The following GOLGA8O variants were observed in gnomAD, a reference collection of about 807,000 sequenced individuals.
GOLGA8O encodes the protein golgin A8 family member O.
A neutral mutation model predicts 29.7 loss-of-function variants in GOLGA8O; 4 were observed. The observed-to-expected ratio is 0.13, with a 90% CI of 0.07 to 0.31. The LOEUF is 0.31. GOLGA8O is among the 10% of genes least tolerant of loss of function. GOLGA8O has a pLI of 1.00. For synonymous variants in GOLGA8O, 6 were observed against 78.0 expected (o/e 0.08, Z 4.87); for missense variants, 32 against 216.5 (o/e 0.15, Z 5.35).
At chr15:32,451,502 T>C (rs1193684678) in intron 5 of GOLGA8O, 99 bp downstream of exon 5, 9 of 1,592,708 alleles carry the variant, frequency 5.7e-6, no homozygotes, top group Non-Finnish European at 7.7e-6. Context: ...GTGAGCCTTC[T>C]TCCCCAAGCT....
rs1268509234 is a variant in GOLGA8O, at chr15:32,453,932, CCAA to C, written c.49-113_49-111del. ...TTACACACCATCTGATTTAATGACA[CCAA>C]CAACTGTACAAGGTGTTGTCACACT... is the stretch of plus-strand genomic sequence containing the variant. On this transcript the variant is annotated intron_variant, in intron 1 of 18. Coordinates refer to ENST00000509311, the MANE Select transcript of GOLGA8O (RefSeq NM_001277308.1). The C allele has an allele frequency of 5.7e-4, 98 of 173,194 alleles. 1 individual carries two copies. In the African/African-American group the frequency reaches 0.013, roughly 23 times the overall value. The allele number at this position is 173,194 out of a possible 1,614,324, so 10.7% of individuals were successfully genotyped here.
At position 32,452,537 on chromosome 15, in the gene GOLGA8O, G is replaced by GA; in HGVS notation, c.262dup (p.Ser88PhefsTer73). 1 of 615,534 alleles carries GA rather than the reference G, an allele frequency of 1.6e-6. No homozygotes were observed. Among genetic ancestry groups the GA allele is most frequent in the Non-Finnish European group, 2.6e-6 (1 of 386,750 alleles). 38.1% of individuals were successfully genotyped at this position (615,534 alleles called of 1,614,324 possible). On this transcript the variant is annotated frameshift_variant, in exon 4 of 19. Transcript: ENST00000509311. LOFTEE classifies it high-confidence loss of function. Reference sequence around the variant, plus strand: ...CAGTCGACTGATTTTTACGGACGTTGAATCCAGGACTACTGCTCGTTCTTG... The same window carrying GA: ...CAGTCGACTGATTTTTACGGACGTTGAAATCCAGGACTACTGCTCGTTCTTG...
upstream of GOLGA8O, among the ~76,000 whole-genome samples, chr15:32,460,611 T>C (rs1278586181): frequency 7.7e-5 from 7 of 90,774 alleles, 2 homozygotes; most frequent in Non-Finnish European, 1.6e-4. Flanking sequence ...TGAATACTGA[T>C]GGGGATGTGA....
chr15:32,451,427 A>G lies in GOLGA8O; in HGVS notation c.349-89T>C. 3 of 672,922 alleles carry G rather than the reference A, an allele frequency of 4.5e-6. No homozygotes were observed. In the South Asian group the frequency reaches 4.8e-5, roughly 11 times the overall value. The allele number at this position is 672,922 out of a possible 1,614,324, so 41.7% of individuals were successfully genotyped here. A position where few individuals can be genotyped will look rare whatever the true frequency, so the allele number is the denominator to read the frequency against. ...GCCCCCAGAATGCCACCAATGCCCC[A>G]GGACAGGCCCACCCATGGGACCAGG... On this transcript the variant is annotated intron_variant, in intron 5 of 18. Transcript: ENST00000509311.
chr15:32,451,525 G>A (rs2055132252), intron 5 of GOLGA8O, 76 bp downstream of exon 5: 3 of 1,597,212 alleles, frequency 1.9e-6, no homozygotes, highest in Admixed American at 1.7e-5. Context: ...GAGTGGGTGA[G>A]ACGAGACTGG....
At chr15:32,460,708 C>T in the GOLGA8O span, among the ~76,000 whole-genome samples, 26 of 96,268 alleles carry the variant, frequency 2.7e-4, 6 homozygotes, top group Middle Eastern at 5.1e-3. Flanking sequence ...CACACACACA[C>T]GCACACACAC....
rs1490242865 is a variant in GOLGA8O at position 32,442,276 on chromosome 15, A to AT, written c.*2829dup. Among the ~76,000 whole-genome samples the AT allele has an allele frequency of 4.9e-5, 4 of 82,230 alleles. 1 individual carries two copies. Among genetic ancestry groups the AT allele is most frequent in the African/African-American group, 2.2e-4 (4 of 18,478 alleles). The allele number at this position is 82,230 out of a possible 152,430, so 53.9% of individuals were successfully genotyped here. On this transcript the variant is annotated 3_prime_UTR_variant, in exon 19 of 19. Coordinates refer to ENST00000509311, the MANE Select transcript of GOLGA8O (RefSeq NM_001277308.1). ...AGAAACTATATTATGGATAGGGCTG[A>AT]TTTACATTTTCAAATTTTCTAAAAT...
At chr15:32,459,209 C>T (rs1462320140), upstream of GOLGA8O, among the ~76,000 whole-genome samples, 1 of 71,962 alleles carries the variant, frequency 1.4e-5, no homozygotes, top group Admixed American at 1.3e-4. Context: ...AGGAGAACTG[C>T]TTGAACCTTG....
At chr15:32,451,236 GA>G in intron 6 of GOLGA8O, 34 bp from the exon 7 acceptor site, 1 of 815,590 alleles carries the variant, frequency 1.2e-6, no homozygotes, top group Non-Finnish European at 1.9e-6. Flanking sequence ...TGCTGAAAGA[GA>G]AGGAAAGAAA....
At chr15:32,454,400 T>TG (rs1297987110) in intron 1 of GOLGA8O, among the ~76,000 whole-genome samples, 1 of 119,080 alleles carries the variant, frequency 8.4e-6, no homozygotes, top group East Asian at 2.6e-4. Flanking sequence ...GGGAAACTGA[T>TG]GCTTCAGAAA....
At chr15:32,460,709 G>GCA in the GOLGA8O span, among the ~76,000 whole-genome samples, 82 of 92,018 alleles carry the variant, frequency 8.9e-4, 18 homozygotes, top group Admixed American at 1.4e-3. Context: ...ACACACACAC[G>GCA]CACACACACA....
At chr15:32,445,568 CCTCACACCCA>C in intron 17 of GOLGA8O, 40 bp downstream of exon 17, 6 of 50,218 alleles carry the variant, frequency 1.2e-4, no homozygotes, top group South Asian at 2.4e-4. Context: ...CTGCGCCCAC[CCTCACACCCA>C]CCCCCACCCC....
At position 32,455,488 on chromosome 15, in the gene GOLGA8O, C is replaced by T. The variant is rs1228261064; in HGVS notation, c.48+1G>A. The T allele has an allele frequency of 3.0e-6, 1 of 332,396 alleles. No individual in the cohort carries two copies. The highest frequency in any genetic ancestry group is 5.2e-6 in the Non-Finnish European group (1 of 192,018). 20.6% of individuals were successfully genotyped at this position (332,396 alleles called of 1,614,324 possible). A position where few individuals can be genotyped will look rare whatever the true frequency, so the allele number is the denominator to read the frequency against. Reference sequence around the variant, plus strand: ...GGGGCTATGACCTAGTGCGTTTTTACCTTTTTCTTGGCTGCAGCCAATTTG... The same window carrying T: ...GGGGCTATGACCTAGTGCGTTTTTATCTTTTTCTTGGCTGCAGCCAATTTG... On this transcript the variant is annotated splice_donor_variant, in intron 1 of 18. Transcript: ENST00000509311. LOFTEE classifies it high-confidence loss of function.
At chr15:32,459,265 C>A (rs1453305617), upstream of GOLGA8O, among the ~76,000 whole-genome samples, 1 of 73,462 alleles carries the variant, frequency 1.4e-5, no homozygotes, top group African/African-American at 5.3e-5. Flanking sequence ...TGTACTCCAG[C>A]CTAGGCAACA....
chr15:32,450,348 G>A (rs1486971059), intron 8 of GOLGA8O, among the ~76,000 whole-genome samples: 3 of 119,924 alleles, frequency 2.5e-5, no homozygotes, highest in African/African-American at 9.5e-5. Context: ...TGGGGGCACA[G>A]ATAGGAAGGG....
At chr15:32,458,428 G>A (rs1465043000), upstream of GOLGA8O, among the ~76,000 whole-genome samples, 1 of 101,396 alleles carries the variant, frequency 9.9e-6, no homozygotes, top group Non-Finnish European at 2.1e-5. Context: ...CCAAGCAAAC[G>A]TATCCACCTC....
At chr15:32,450,521 A>C (rs1247049669) in intron 8 of GOLGA8O, among the ~76,000 whole-genome samples, 1 of 140,768 alleles carries the variant, frequency 7.1e-6, no homozygotes, top group Non-Finnish European at 1.6e-5. Context: ...CAGTATGTAC[A>C]CACACACACA....
Position 32,450,544 on chromosome 15 carries a change from C to CAA in GOLGA8O, c.591+368_591+369insTT. On this transcript the variant is annotated intron_variant, in intron 8 of 18. Coordinates refer to ENST00000509311, the MANE Select transcript of GOLGA8O (RefSeq NM_001277308.1). ...ACACACACACACACACACACACACACACACACATGCACGCGTTTCCTCTTT... is the reference window on the plus strand; with the variant it reads ...ACACACACACACACACACACACACACAAACACACATGCACGCGTTTCCTCTTT... Among the ~76,000 whole-genome samples, 3 of 142,708 alleles carry CAA rather than the reference C, an allele frequency of 2.1e-5. No homozygotes were observed. In the South Asian group the frequency reaches 7.1e-4, roughly 34 times the overall value. The allele number at this position is 142,708 out of a possible 152,430, so 93.6% of individuals were successfully genotyped here.
chr15:32,452,584 CAG>C lies in GOLGA8O; in HGVS notation c.229-15_229-14del. On this transcript the variant is annotated splice_polypyrimidine_tract_variant and intron_variant, in intron 3 of 18. Transcript: ENST00000509311. ...CTTGGCACGGGCTCTGAGGTGCATG[CAG>C]AGAGGAGGAGGTGGAGCAGGAGTGG... 3 of 1,042,586 alleles carry C rather than the reference CAG, an allele frequency of 2.9e-6. No individual in the cohort carries two copies. Among genetic ancestry groups the C allele is most frequent in the African/African-American group, 5.7e-5 (2 of 35,362 alleles). 64.6% of individuals were successfully genotyped at this position (1,042,586 alleles called of 1,614,324 possible). A position where few individuals can be genotyped will look rare whatever the true frequency, so the allele number is the denominator to read the frequency against.
Sources: gnomAD v4.1 joint callset for allele counts (sites outside exome capture counted in the v4.1 genomes callset) on GRCh38, gnomAD v4.1.1 for gene constraint, MANE v1.5 for transcripts, NCBI Gene and HGNC (gene_info 2026-07-23, HGNC 2026-07-21) for gene names.